Variants in NCOA5 observed in about 807,000 individuals in gnomAD.
The protein encoded by NCOA5 is nuclear receptor coactivator 5.
Under a neutral mutation model 59.0 loss-of-function variants are expected in NCOA5, and 12 were observed. That is an observed-to-expected ratio of 0.20 (90% confidence interval 0.13 to 0.33). The LOEUF (loss-of-function observed/expected upper bound fraction) is 0.33. Ranked by LOEUF, NCOA5 falls within the 10% of genes least tolerant of loss-of-function variation. The pLI, the probability that NCOA5 is intolerant of heterozygous loss-of-function variation, is 1.00. For missense variants in NCOA5, 655 were observed against 766.6 expected (o/e 0.85, Z 1.72); for synonymous variants, 270 against 275.5 (o/e 0.98, Z 0.20).
chr20:46,074,703 C>T (rs2084918386), intron 2 of NCOA5, among the ~76,000 whole-genome samples: 1 of 152,206 alleles, frequency 6.6e-6, no homozygotes, highest in Non-Finnish European at 1.5e-5. Context: ...GTGTCTCTTC[C>T]TGAGGACTAA....
chr20:46,078,102 C>T (rs1474313138), intron 2 of NCOA5, among the ~76,000 whole-genome samples: 1 of 152,224 alleles, frequency 6.6e-6, no homozygotes, highest in Non-Finnish European at 1.5e-5. Context: ...TGGTATATAG[C>T]TGTAGCTATG....
chr20:46,070,946 G>C (rs1215743765), intron 2 of NCOA5, among the ~76,000 whole-genome samples: 2 of 152,150 alleles, frequency 1.3e-5, no homozygotes, highest in African/African-American at 2.4e-5. Flanking sequence ...CAAAGGAACT[G>C]TCCTTAAAGT....
intron 1 of NCOA5, among the ~76,000 whole-genome samples, chr20:46,085,625 T>C (rs1027360585): frequency 6.6e-6 from 1 of 152,006 alleles, no homozygotes; most frequent in African/African-American, 2.4e-5. Flanking sequence ...GGTAAAGGAA[T>C]GGTGTGAAGG....
intron 2 of NCOA5, among the ~76,000 whole-genome samples, chr20:46,078,713 CTTCT>C (rs907169639): frequency 1.3e-5 from 2 of 150,904 alleles, no homozygotes; most frequent in Non-Finnish European, 2.9e-5. Context: ...TAATAAAGCT[CTTCT>C]TTGAGAGGAG....
At chr20:46,062,924 G>C (rs763243669) in intron 7 of NCOA5, 35 bp from the exon 8 acceptor site, 4 of 1,498,224 alleles carry the variant, frequency 2.7e-6, no homozygotes, top group Admixed American at 2.3e-5. Context: ...CTGGTTCAAA[G>C]TACCCCCCAA....
At chr20:46,083,742 G>GA (rs1016132200) in intron 1 of NCOA5, among the ~76,000 whole-genome samples, 4 of 152,226 alleles carry the variant, frequency 2.6e-5, no homozygotes, top group Non-Finnish European at 5.9e-5. Flanking sequence ...ATGCCAGTTG[G>GA]AAAACCATAC....
chr20:46,071,733 A>G (rs1394945414), intron 2 of NCOA5, among the ~76,000 whole-genome samples: 1 of 152,188 alleles, frequency 6.6e-6, no homozygotes, highest in African/African-American at 2.4e-5. Flanking sequence ...TATACTTGGA[A>G]TATTTTTCCT....
Position 46,070,547 on chromosome 20 carries a change from T to C in NCOA5, c.39-11A>G, listed in dbSNP as rs770951180. ...AAGCCATATGGATCCCTGTGGGAGG[T>C]AGCAAGAAAATGCTAAGACAAAGAA... On this transcript the variant is annotated splice_polypyrimidine_tract_variant and intron_variant, in intron 2 of 7. Transcript: ENST00000290231. The C allele has an allele frequency of 3.7e-6, 6 of 1,606,790 alleles. No homozygotes were observed. Among genetic ancestry groups the C allele is most frequent in the East Asian group, 2.2e-5 (1 of 44,714 alleles).
chr20:46,074,481 A>G (rs2084915442), intron 2 of NCOA5, among the ~76,000 whole-genome samples: 1 of 152,248 alleles, frequency 6.6e-6, no homozygotes, highest in Non-Finnish European at 1.5e-5. Context: ...GTTAAATTTC[A>G]GCACTGGAGT....
intron 2 of NCOA5, among the ~76,000 whole-genome samples, chr20:46,074,059 T>C (rs996872961): frequency 6.6e-6 from 1 of 152,198 alleles, no homozygotes; most frequent in Non-Finnish European, 1.5e-5. Flanking sequence ...AATAATTTTC[T>C]CAAAAGGAAA....
In NCOA5 at chr20:46,084,596, T is replaced by C. The variant is rs188985717; in HGVS notation, c.-29-5143A>G. ...TAATTTCCTACCTTTCTTATTCTTT[T>C]AAGGAAAGGGCATTTGGCTGGGGAT... On this transcript the variant is annotated intron_variant, in intron 1 of 7. Coordinates refer to ENST00000290231, the MANE Select transcript of NCOA5 (RefSeq NM_020967.3). Among the ~76,000 whole-genome samples, 286 of 152,362 alleles carry C rather than the reference T, an allele frequency of 1.9e-3. 2 individuals are homozygous for C. The highest frequency in any genetic ancestry group is 3.4e-3 in the Non-Finnish European group (234 of 68,030).
chr20:46,077,122 C>G lies in NCOA5; in HGVS notation c.38+2265G>C, dbSNP rs560878711. ...ATGGGGTTTTGCCATGTTGCCCAGG[C>G]CGGTCTCAAACTCCTGAGCTCAAGT... On this transcript the variant is annotated intron_variant, in intron 2 of 7. Coordinates refer to ENST00000290231, the MANE Select transcript of NCOA5 (RefSeq NM_020967.3). Among the ~76,000 whole-genome samples the G allele has an allele frequency of 2.2e-4, 33 of 152,206 alleles. No homozygotes were observed. In the South Asian group the frequency reaches 6.7e-3, roughly 31 times the overall value.
At chr20:46,089,182 G>C (rs547103386) in intron 1 of NCOA5, among the ~76,000 whole-genome samples, 15 of 152,142 alleles carry the variant, frequency 9.9e-5, no homozygotes, top group Non-Finnish European at 1.6e-4. Flanking sequence ...CGGCCGGATC[G>C]GACGCTGGCG....
At chr20:46,072,696 C>T (rs1223556438) in intron 2 of NCOA5, among the ~76,000 whole-genome samples, 2 of 152,220 alleles carry the variant, frequency 1.3e-5, no homozygotes, top group Non-Finnish European at 2.9e-5. Context: ...ATCTATACTC[C>T]TCTTCCAGGT....
rs2084761051 is a variant in NCOA5 at position 46,061,415 on chromosome 20, T to C, written c.*885A>G. The stretch of plus-strand genomic sequence containing the variant: ...ACCTCCTGCTGCTCAGGAAACAGAA[T>C]AAGAGTCTAGACAAAAACAAGAGCC... On this transcript the variant is annotated 3_prime_UTR_variant, in exon 8 of 8. Transcript: ENST00000290231. 1 of 152,530 alleles carries C rather than the reference T, an allele frequency of 6.6e-6. No homozygotes were observed. The highest frequency in any genetic ancestry group is 6.5e-5 in the Admixed American group (1 of 15,270). 9.4% of individuals were successfully genotyped at this position (152,530 alleles called of 1,614,324 possible).
chr20:46,074,327 A>G (rs1184173648), intron 2 of NCOA5, among the ~76,000 whole-genome samples: 2 of 152,212 alleles, frequency 1.3e-5, no homozygotes, highest in Non-Finnish European at 2.9e-5. Context: ...ACCTCAGATG[A>G]TAAGTGGGTT....
At chr20:46,072,596 T>C (rs2084894003) in intron 2 of NCOA5, among the ~76,000 whole-genome samples, 1 of 152,174 alleles carries the variant, frequency 6.6e-6, no homozygotes, top group Admixed American at 6.5e-5. Context: ...TCACACCCTC[T>C]CCCTAGTTCA....
chr20:46,076,029 T>A (rs1377178150), intron 2 of NCOA5, among the ~76,000 whole-genome samples: 1 of 152,080 alleles, frequency 6.6e-6, no homozygotes, highest in Non-Finnish European at 1.5e-5. Flanking sequence ...TCTGAAGAGG[T>A]GATAATCCTG....
chr20:46,064,904 G>C, intron 6 of NCOA5, 125 bp downstream of exon 6: 1 of 872,818 alleles, frequency 1.1e-6, no homozygotes, highest in Non-Finnish European at 1.9e-6. Context: ...TGGTACTTAA[G>C]AGAGGGGCCC....
Sources: allele counts gnomAD v4.1 joint callset (sites outside exome capture counted in the v4.1 genomes callset), GRCh38; gene constraint gnomAD v4.1.1; transcripts MANE v1.5; gene names NCBI Gene and HGNC (gene_info 2026-07-23, HGNC 2026-07-21).